NRXN3: variants seen among roughly 807,000 people sequenced by gnomAD.
NRXN3 encodes neurexin 3, also known as neurexin III.
Under a neutral mutation model 137.6 loss-of-function variants are expected in NRXN3, and 32 were observed. The observed-to-expected ratio is 0.23, with a 90% CI of 0.18 to 0.31. The LOEUF (loss-of-function observed/expected upper bound fraction) is 0.31, where lower values mean the gene tolerates loss of function less well. Among genes scored for constraint, NRXN3 ranks in the 10% least tolerant of loss-of-function variants. The probability of loss-of-function intolerance (pLI) is 1.00; values close to 1 mark genes in which losing one functional copy is unlikely to be tolerated. For synonymous variants in NRXN3, 798 were observed against 784.5 expected, an observed-to-expected ratio of 1.02 and a Z score of -0.29; for missense variants, 1,574 against 2,062.5, an observed-to-expected ratio of 0.76 and a Z score of 4.59.
chr14:79,858,500 C>T (rs577062925), intron 20 of NRXN3, among the ~76,000 whole-genome samples: 1 of 152,246 alleles, frequency 6.6e-6, no homozygotes, highest in East Asian at 1.9e-4. Context: ...CCTAAGATAT[C>T]AGTTATTCCT....
intron 11 of NRXN3, among the ~76,000 whole-genome samples, chr14:78,959,021 A>G (rs1350561277): frequency 6.6e-6 from 1 of 152,124 alleles, no homozygotes; most frequent in Non-Finnish European, 1.5e-5. Context: ...ATATTCTATT[A>G]TTTCTATGGC....
chr14:79,706,077 C>G (rs1038647067), intron 19 of NRXN3, among the ~76,000 whole-genome samples: 6 of 152,126 alleles, frequency 3.9e-5, no homozygotes, highest in African/African-American at 1.4e-4. Context: ...AGGACCCACT[C>G]CCTCATGAGG....
intron 15 of NRXN3, among the ~76,000 whole-genome samples, chr14:79,331,668 A>C (rs142087623): frequency 2.0e-3 from 305 of 152,302 alleles, no homozygotes; most frequent in Non-Finnish European, 3.6e-3. Flanking sequence ...TTAGGAAGTA[A>C]ATGCTGAAAT....
At chr14:78,377,746 T>C (rs1213387060) in intron 4 of NRXN3, among the ~76,000 whole-genome samples, 1 of 152,206 alleles carries the variant, frequency 6.6e-6, no homozygotes. Context: ...CCAGTGTCTC[T>C]TTATAAGGTC....
chr14:79,083,921 T>C (rs1033296405), intron 15 of NRXN3, among the ~76,000 whole-genome samples: 1 of 152,168 alleles, frequency 6.6e-6, no homozygotes, highest in African/African-American at 2.4e-5. Flanking sequence ...TTGTTTGTTT[T>C]TGAGACAGGA....
At position 79,061,433 on chromosome 14, in the gene NRXN3, A is replaced by G. The variant is rs558184654; in HGVS notation, c.3262+73292A>G. Among the ~76,000 whole-genome samples, 5 of 152,302 alleles carry G rather than the reference A, an allele frequency of 3.3e-5. No homozygotes were observed. In the East Asian group the frequency reaches 9.7e-4, roughly 29 times the overall value. ...CAGAGTTAACCAGGAAGGGGAGGCA[A>G]AAGTATCACAGTCACAGAGAACAGT... is the stretch of plus-strand genomic sequence containing the variant. On this transcript the variant is annotated intron_variant, in intron 15 of 20. Coordinates refer to ENST00000335750, the MANE Select transcript of NRXN3 (RefSeq NM_001330195.2).
At chr14:79,634,271 G>A (rs1010077565) in intron 16 of NRXN3, among the ~76,000 whole-genome samples, 1 of 152,006 alleles carries the variant, frequency 6.6e-6, no homozygotes, top group Non-Finnish European at 1.5e-5. Context: ...ATATAATGTC[G>A]AGAGACGGGC....
chr14:78,525,271 A>T (rs2096360640), intron 4 of NRXN3, among the ~76,000 whole-genome samples: 1 of 152,162 alleles, frequency 6.6e-6, no homozygotes, highest in Non-Finnish European at 1.5e-5. Context: ...TCAAAACTGG[A>T]TTTTAATTTG....
chr14:78,813,395 A>G (rs2098920766), intron 10 of NRXN3, among the ~76,000 whole-genome samples: 1 of 152,098 alleles, frequency 6.6e-6, no homozygotes, highest in African/African-American at 2.4e-5. Context: ...CTGATTTTCA[A>G]CTGTGAGAGT....
intron 15 of NRXN3, among the ~76,000 whole-genome samples, chr14:79,343,513 G>C (rs969827573): frequency 4.6e-5 from 7 of 152,068 alleles, no homozygotes; most frequent in Non-Finnish European, 8.8e-5. Context: ...TTGATACAGG[G>C]TACAAAGGTG....
chr14:79,866,639 T>A lies in NRXN3; in HGVS notation c.*4675T>A, dbSNP rs1444731714. On this transcript the variant is annotated 3_prime_UTR_variant, in exon 21 of 21. Coordinates refer to ENST00000335750, the MANE Select transcript of NRXN3 (RefSeq NM_001330195.2). ...GGGAAGAGAGAAATGGGAGAATAGC[T>A]TGAGAAGTTCAAGGTCAAGGGCTGC... is the stretch of plus-strand genomic sequence containing the variant. The A allele has an allele frequency of 1.3e-5, 2 of 152,148 alleles. No individual in the cohort carries two copies. The highest frequency in any genetic ancestry group is 4.8e-5 in the African/African-American group (2 of 41,414). 9.4% of individuals were successfully genotyped at this position (152,148 alleles called of 1,614,324 possible). A position where few individuals can be genotyped will look rare whatever the true frequency, so the allele number is the denominator to read the frequency against.
intron 15 of NRXN3, among the ~76,000 whole-genome samples, chr14:79,079,500 T>C (rs539794703): frequency 6.6e-6 from 1 of 152,176 alleles, no homozygotes; most frequent in Non-Finnish European, 1.5e-5. Context: ...AACCTTGTAG[T>C]GAGATAAATG....
chr14:78,746,904 A>G (rs1353499746), intron 8 of NRXN3, among the ~76,000 whole-genome samples: 2 of 152,234 alleles, frequency 1.3e-5, no homozygotes, highest in African/African-American at 4.8e-5. Context: ...CAATTGAGAA[A>G]GAATTGTGAA....
chr14:78,854,195 T>A (rs1405894835), intron 10 of NRXN3, among the ~76,000 whole-genome samples: 2 of 152,194 alleles, frequency 1.3e-5, no homozygotes, highest in Non-Finnish European at 1.5e-5. Context: ...CCGAATTTGG[T>A]GTTTCTAATT....
At chr14:78,308,647 G>A (rs1019219920) in intron 4 of NRXN3, among the ~76,000 whole-genome samples, 18 of 151,964 alleles carry the variant, frequency 1.2e-4, no homozygotes, top group African/African-American at 2.9e-4. Flanking sequence ...ACTATGCCTC[G>A]CAAATGCCTG....
At chr14:78,317,290 C>A (rs1238822959) in intron 4 of NRXN3, among the ~76,000 whole-genome samples, 1 of 152,148 alleles carries the variant, frequency 6.6e-6, no homozygotes, top group Non-Finnish European at 1.5e-5. Context: ...GGTTCATGAC[C>A]TGTTGGGAAC....
chr14:79,253,416 G>A (rs1025209420), intron 15 of NRXN3, among the ~76,000 whole-genome samples: 1 of 152,144 alleles, frequency 6.6e-6, no homozygotes, highest in African/African-American at 2.4e-5. Flanking sequence ...TCTGACATAT[G>A]CGAGAAGGTC....
At chr14:78,725,405 C>A (rs1374497084) in intron 8 of NRXN3, among the ~76,000 whole-genome samples, 1 of 152,242 alleles carries the variant, frequency 6.6e-6, no homozygotes, top group African/African-American at 2.4e-5. Flanking sequence ...CTGAAGATAG[C>A]AGCTGATTCC....
chr14:79,142,156 C>T (rs571494726), intron 15 of NRXN3, among the ~76,000 whole-genome samples: 3 of 152,132 alleles, frequency 2.0e-5, no homozygotes, highest in East Asian at 1.9e-4. Flanking sequence ...AGGCCAGGCA[C>T]GGTGGCTCAC....
Sources: allele counts gnomAD v4.1 joint callset (sites outside exome capture counted in the v4.1 genomes callset), GRCh38; gene constraint gnomAD v4.1.1; transcripts MANE v1.5; gene names NCBI Gene and HGNC (gene_info 2026-07-23, HGNC 2026-07-21).